KCNMB2: variants seen among roughly 807,000 people sequenced by gnomAD.
KCNMB2 encodes the protein calcium-activated potassium channel subunit beta-2.
Under a neutral mutation model 24.5 loss-of-function variants are expected in KCNMB2, and 9 were observed. The observed-to-expected ratio is 0.37, with a 90% CI of 0.22 to 0.64. The LOEUF is 0.64. Ranked by LOEUF, KCNMB2 falls within the 30% of genes least tolerant of loss-of-function variation. The pLI is 0.63. For synonymous variants in KCNMB2, 109 were observed against 104.4 expected (o/e 1.04, Z -0.27); for missense variants, 226 against 284.3 (o/e 0.79, Z 1.47).
chr3:178,642,452 T>G (rs1311302615), intron 1 of KCNMB2, among the ~76,000 whole-genome samples: 1 of 152,186 alleles, frequency 6.6e-6, no homozygotes, highest in Non-Finnish European at 1.5e-5. Context: ...CACCACCCTG[T>G]GCTCCCCACC....
chr3:178,544,862 G>A (rs746543475), intron 1 of KCNMB2, among the ~76,000 whole-genome samples: 2 of 152,096 alleles, frequency 1.3e-5, no homozygotes, highest in African/African-American at 2.4e-5. Context: ...AAGCAGCAAC[G>A]ATGTTTTTTA....
chr3:178,641,890 T>C (rs1425104196), intron 1 of KCNMB2, among the ~76,000 whole-genome samples: 10 of 152,184 alleles, frequency 6.6e-5, no homozygotes, highest in Non-Finnish European at 1.2e-4. Context: ...TTAAAAACTT[T>C]CTTTTTAACT....
chr3:178,692,229 C>G (rs1164225705), intron 1 of KCNMB2, among the ~76,000 whole-genome samples: 1 of 152,204 alleles, frequency 6.6e-6, no homozygotes, highest in East Asian at 1.9e-4. Flanking sequence ...TTTTGCTGTA[C>G]AGAAGCTCTT....
chr3:178,757,051 C>T (rs1188590306), intron 1 of KCNMB2: 1 of 151,402 alleles, frequency 6.6e-6, no homozygotes, highest in African/African-American at 2.4e-5. Flanking sequence ...ATTTCAGAGC[C>T]TTTCCTCATT....
chr3:178,759,660 AG>A (rs1464205322), intron 1 of KCNMB2, among the ~76,000 whole-genome samples: 8,234 of 101,520 alleles, frequency 0.081, 1,248 homozygotes, highest in Non-Finnish European at 0.11. Context: ...TATCTCCAAG[AG>A]GGATATATAT....
intron 1 of KCNMB2, among the ~76,000 whole-genome samples, chr3:178,691,465 T>C (rs1721674146): frequency 1.3e-5 from 2 of 152,190 alleles, no homozygotes; most frequent in African/African-American, 2.4e-5. Context: ...TGCCCATATG[T>C]TCTCATTATT....
chr3:178,698,936 T>C (rs1043779546), intron 1 of KCNMB2, among the ~76,000 whole-genome samples: 2 of 152,244 alleles, frequency 1.3e-5, no homozygotes, highest in East Asian at 1.9e-4. Flanking sequence ...GGGACTCATA[T>C]TCGGCCCCAA....
intron 1 of KCNMB2, among the ~76,000 whole-genome samples, chr3:178,577,635 G>A (rs569519099): frequency 6.6e-6 from 1 of 152,278 alleles, no homozygotes; most frequent in African/African-American, 2.4e-5. Flanking sequence ...AAAGGTTAGA[G>A]GAATTGCTAA....
At chr3:178,701,550 A>T (rs987803001) in intron 1 of KCNMB2, among the ~76,000 whole-genome samples, 4 of 152,064 alleles carry the variant, frequency 2.6e-5, no homozygotes, top group Admixed American at 1.3e-4. Flanking sequence ...GAATCTACAA[A>T]GAACTCAAAC....
chr3:178,699,500 C>T (rs930066361), intron 1 of KCNMB2, among the ~76,000 whole-genome samples: 1 of 152,204 alleles, frequency 6.6e-6, no homozygotes, highest in Non-Finnish European at 1.5e-5. Flanking sequence ...GGGGCTGGCT[C>T]ACTGGAGCTC....
intron 1 of KCNMB2, among the ~76,000 whole-genome samples, chr3:178,786,446 T>C (rs1368059578): frequency 6.6e-6 from 1 of 151,982 alleles, no homozygotes; most frequent in East Asian, 1.9e-4. Context: ...GAGGAAGAAA[T>C]AAGGTACAAA....
intron 1 of KCNMB2, among the ~76,000 whole-genome samples, chr3:178,763,665 G>A (rs57572312): frequency 1.3e-5 from 2 of 152,162 alleles, no homozygotes; most frequent in Non-Finnish European, 2.9e-5. Flanking sequence ...GACCATGGGA[G>A]AGAGTGGGTA....
intron 1 of KCNMB2, among the ~76,000 whole-genome samples, chr3:178,635,051 G>A (rs528603783): frequency 6.6e-6 from 1 of 152,236 alleles, no homozygotes; most frequent in East Asian, 1.9e-4. Flanking sequence ...CTGTTTTCAT[G>A]TATGACTTTT....
At chr3:178,799,471 A>T (rs1713688374) in intron 1 of KCNMB2, among the ~76,000 whole-genome samples, 1 of 152,146 alleles carries the variant, frequency 6.6e-6, no homozygotes. Context: ...AACTTAACCA[A>T]AGAGGCAAAA....
chr3:178,706,135 C>A (rs984359023), intron 1 of KCNMB2, among the ~76,000 whole-genome samples: 9 of 152,086 alleles, frequency 5.9e-5, no homozygotes, highest in African/African-American at 2.2e-4. Flanking sequence ...ACATTTCCTG[C>A]CTTTGGTGTC....
In KCNMB2 at chr3:178,706,323, G is replaced by T. The variant is rs372929060; in HGVS notation, c.-67-101020G>T. Among the ~76,000 whole-genome samples the T allele has an allele frequency of 1.8e-4, 28 of 152,138 alleles. 2 individuals are homozygous for T. In the East Asian group the frequency reaches 2.1e-3, roughly 12 times the overall value. ...TGAGATAATGTATGCAGAACGCCTG[G>T]CACAGGGAGGACCTCCCCACACAAC... On this transcript the variant is annotated intron_variant, in intron 1 of 4. Transcript: ENST00000452583.
intron 1 of KCNMB2, among the ~76,000 whole-genome samples, chr3:178,784,956 C>T (rs932171682): frequency 9.3e-5 from 14 of 150,844 alleles, no homozygotes; most frequent in Middle Eastern, 7.1e-3. Context: ...CAGAATATCT[C>T]TGACAAATGC....
chr3:178,595,765 C>T (rs1436727501), intron 1 of KCNMB2, among the ~76,000 whole-genome samples: 2 of 152,048 alleles, frequency 1.3e-5, no homozygotes, highest in Admixed American at 1.3e-4. Flanking sequence ...TACCCAGTCT[C>T]GGGTATGTCT....
intron 1 of KCNMB2, among the ~76,000 whole-genome samples, chr3:178,665,121 C>G (rs1254839592): frequency 6.6e-6 from 1 of 152,016 alleles, no homozygotes; most frequent in African/African-American, 2.4e-5. Flanking sequence ...TGCTGACAGA[C>G]AAGTTTAAGA....
Sources: gnomAD v4.1 joint callset for allele counts (sites outside exome capture counted in the v4.1 genomes callset) on GRCh38, gnomAD v4.1.1 for gene constraint, MANE v1.5 for transcripts, NCBI Gene and HGNC (gene_info 2026-07-23, HGNC 2026-07-21) for gene names.